Variants in B3GALNT2 observed in about 807,000 individuals in gnomAD.
B3GALNT2 encodes beta-1,3-N-acetylgalactosaminyltransferase 2.
In B3GALNT2, 53 loss-of-function variants were observed where a neutral mutation model predicts 61.1. The observed-to-expected ratio is 0.87, with a 90% CI of 0.70 to 1.09. The LOEUF (loss-of-function observed/expected upper bound fraction) is 1.09. Among genes scored for constraint, B3GALNT2 ranks in the 50% least tolerant of loss-of-function variants. The pLI is 0.00. For missense variants in B3GALNT2, 544 were observed against 623.0 expected (o/e 0.87, Z 1.35); for synonymous variants, 223 against 237.4 (o/e 0.94, Z 0.56).
intron 11 of B3GALNT2, chr1:235,451,152 CAG>C (rs1271594165): frequency 6.6e-6 from 1 of 152,128 alleles, no homozygotes; most frequent in African/African-American, 2.4e-5. Flanking sequence ...GAGACTGACA[CAG>C]AGCTAGGATC....
At chr1:235,481,724 A>G (rs1684573447) in intron 4 of B3GALNT2, among the ~76,000 whole-genome samples, 1 of 152,190 alleles carries the variant, frequency 6.6e-6, no homozygotes, top group African/African-American at 2.4e-5. Flanking sequence ...ATTTCTAGAT[A>G]ACAGTGATAC....
downstream of B3GALNT2, among the ~76,000 whole-genome samples, chr1:235,442,480 A>C (rs572961275): frequency 8.1e-4 from 123 of 152,342 alleles, no homozygotes; most frequent in African/African-American, 3.0e-3. Context: ...AAAGAAATGA[A>C]TTCTTTAAAA....
intron 8 of B3GALNT2, among the ~76,000 whole-genome samples, chr1:235,456,736 G>A (rs1426751109): frequency 6.6e-6 from 1 of 152,122 alleles, no homozygotes; most frequent in Non-Finnish European, 1.5e-5. Flanking sequence ...GGAGACTAAG[G>A]GAGAGGCTAA....
At chr1:235,475,513 T>C (rs1404881067) in intron 5 of B3GALNT2, among the ~76,000 whole-genome samples, 1 of 152,124 alleles carries the variant, frequency 6.6e-6, no homozygotes, top group Non-Finnish European at 1.5e-5. Flanking sequence ...TGGAATACAC[T>C]ACCTACTTCT....
chr1:235,440,341 T>C, the B3GALNT2 span, among the ~76,000 whole-genome samples: 1 of 151,920 alleles, frequency 6.6e-6, no homozygotes, highest in African/African-American at 2.4e-5. Context: ...CGCACCATGC[T>C]CCACTGTAGG....
At chr1:235,493,086 G>A (rs1338028730) in intron 2 of B3GALNT2, among the ~76,000 whole-genome samples, 3 of 152,184 alleles carry the variant, frequency 2.0e-5, no homozygotes, top group African/African-American at 4.8e-5. Flanking sequence ...GGTAGAAGCA[G>A]TAAGTTCAGA....
At chr1:235,456,864 T>C (rs1363373183) in intron 8 of B3GALNT2, among the ~76,000 whole-genome samples, 1 of 152,130 alleles carries the variant, frequency 6.6e-6, no homozygotes, top group Non-Finnish European at 1.5e-5. Flanking sequence ...TCACCTACAA[T>C]TGCAACTCTC....
intron 11 of B3GALNT2, chr1:235,452,019 GTT>G (rs5781831): frequency 2.7e-4 from 41 of 150,064 alleles, no homozygotes; most frequent in African/African-American, 7.3e-4. Flanking sequence ...CTGTCGTTCA[GTT>G]TTTTTTTTTG....
intron 8 of B3GALNT2, 100 bp downstream of exon 8, chr1:235,458,493 TAGGAAACCCC>T: frequency 7.2e-7 from 1 of 1,391,846 alleles, no homozygotes; most frequent in South Asian, 1.7e-5. Flanking sequence ...AAGACCAGCC[TAGGAAACCCC>T]TAGTAAGGGG....
downstream of B3GALNT2, among the ~76,000 whole-genome samples, chr1:235,445,098 A>G (rs1356863710): frequency 6.6e-6 from 1 of 152,240 alleles, no homozygotes; most frequent in Non-Finnish European, 1.5e-5. Context: ...TCGACTATCC[A>G]TAGAAATTAT....
At chr1:235,456,133 T>C (rs1204385834) in intron 8 of B3GALNT2, among the ~76,000 whole-genome samples, 1 of 152,214 alleles carries the variant, frequency 6.6e-6, no homozygotes, top group Non-Finnish European at 1.5e-5. Context: ...TCCGATGCTA[T>C]TTATATTACA....
Position 235,449,941 on chromosome 1 carries a change from T to TTTTC in B3GALNT2, c.*261_*264dup. The TTTTC allele has an allele frequency of 3.2e-6, 1 of 309,220 alleles. No homozygotes were observed. The highest frequency in any genetic ancestry group is 6.3e-5 in the South Asian group (1 of 15,804). 19.2% of individuals were successfully genotyped at this position (309,220 alleles called of 1,614,324 possible). On this transcript the variant is annotated 3_prime_UTR_variant, in exon 12 of 12. Coordinates refer to ENST00000366600, the MANE Select transcript of B3GALNT2 (RefSeq NM_152490.5). ...CAATGCATCAGGATTTAGAAATATT[T>TTTTC]TTTCTTTTATAAAATAACTTGGTAT...
chr1:235,494,907 C>T, intron 1 of B3GALNT2, 79 bp from the exon 2 acceptor site: 1 of 1,279,294 alleles, frequency 7.8e-7, no homozygotes, highest in Non-Finnish European at 1.1e-6. Context: ...AAGTTTATTA[C>T]AAAATAAGCT....
rs1682638052 is a variant in B3GALNT2 at position 235,448,550 on chromosome 1, T to C, written c.*1656A>G. ...TGATTCTAAATGGAGACCATGGGTC[T>C]GTTTGTTTGATTTTAAGGGTAAGCT... is the stretch of plus-strand genomic sequence containing the variant. On this transcript the variant is annotated 3_prime_UTR_variant, in exon 12 of 12. Coordinates refer to ENST00000366600, the MANE Select transcript of B3GALNT2 (RefSeq NM_152490.5). 6.6e-6 allele frequency: 9 copies of C among 1,366,756 alleles called. No homozygotes were observed. The East Asian group carries it at 2.1e-4, about 31-fold the overall frequency. 84.7% of individuals were successfully genotyped at this position (1,366,756 alleles called of 1,614,324 possible).
chr1:235,472,206 A>C (rs1684040168), intron 5 of B3GALNT2, among the ~76,000 whole-genome samples: 2 of 152,194 alleles, frequency 1.3e-5, no homozygotes, highest in African/African-American at 2.4e-5. Flanking sequence ...TTTGAAATTC[A>C]GAAGTCCATA....
Position 235,465,616 on chromosome 1 carries a change from G to A in B3GALNT2, c.841+20C>T, listed in dbSNP as rs774224736. Reference sequence around the variant, plus strand: ...ATAAGACATTCAGTGTACTTTTCAAGTTTCAACTAGCAAACTTACCCTGAA... The same window carrying A: ...ATAAGACATTCAGTGTACTTTTCAAATTTCAACTAGCAAACTTACCCTGAA... On this transcript the variant is annotated intron_variant, in intron 7 of 11. Transcript: ENST00000366600. 1 of 1,612,728 alleles carries A rather than the reference G, an allele frequency of 6.2e-7. No individual in the cohort carries two copies. Among genetic ancestry groups the A allele is most frequent in the South Asian group, 1.1e-5 (1 of 90,838 alleles).
At chr1:235,479,831 G>A (rs569859736) in intron 5 of B3GALNT2, 1 of 505,550 alleles carries the variant, frequency 2.0e-6, no homozygotes, top group East Asian at 3.5e-5. Flanking sequence ...AACATGCAAT[G>A]TTTTTCAAAA....
At chr1:235,502,720 G>C (rs1303235743) in intron 1 of B3GALNT2, among the ~76,000 whole-genome samples, 1 of 152,152 alleles carries the variant, frequency 6.6e-6, no homozygotes. Context: ...GTTTTTGTTT[G>C]TTTTACTGAA....
the B3GALNT2 span, chr1:235,441,430 G>T: frequency 3.6e-6 from 1 of 278,040 alleles, no homozygotes; most frequent in Non-Finnish European, 6.9e-6. Context: ...GTTACCAAAG[G>T]TGACACTCGG....
Sources: gnomAD v4.1 joint callset for allele counts (sites outside exome capture counted in the v4.1 genomes callset) on GRCh38, gnomAD v4.1.1 for gene constraint, MANE v1.5 for transcripts, NCBI Gene and HGNC (gene_info 2026-07-23, HGNC 2026-07-21) for gene names.